Variants in NEIL1 observed in about 807,000 individuals in gnomAD.
The protein encoded by NEIL1 is endonuclease 8-like 1.
NEIL1 carries 31 observed loss-of-function variants against 44.2 expected under a neutral mutation model. The observed-to-expected ratio is 0.70, with a 90% CI of 0.53 to 0.95. The LOEUF (loss-of-function observed/expected upper bound fraction) is 0.95. Among genes scored for constraint, NEIL1 ranks in the 40% least tolerant of loss-of-function variants. NEIL1 has a pLI of 0.00. For missense variants in NEIL1, 549 were observed against 515.5 expected (o/e 1.07, Z -0.63); for synonymous variants, 254 against 209.7 (o/e 1.21, Z -1.83).
At chr15:75,352,760 A>G (rs2072019362) in intron 5 of NEIL1, 59 bp downstream of exon 5, 2 of 1,389,092 alleles carry the variant, frequency 1.4e-6, no homozygotes, top group East Asian at 4.9e-5. Flanking sequence ...ACCCTGGGGC[A>G]CTTGTCCCTC....
intron 1 of NEIL1, chr15:75,347,865 G>A (rs1194125461): frequency 2.5e-6 from 3 of 1,192,982 alleles, no homozygotes; most frequent in East Asian, 1.4e-4. Context: ...CCCGCAAAAC[G>A]AGCCCTGTGG....
At chr15:75,350,641 G>T (rs1380820081) in intron 2 of NEIL1, among the ~76,000 whole-genome samples, 1 of 152,154 alleles carries the variant, frequency 6.6e-6, no homozygotes, top group Non-Finnish European at 1.5e-5. Context: ...TGGTGCCTTA[G>T]AAGAAAGTTG....
intron 5 of NEIL1, chr15:75,352,976 C>T (rs954050370): frequency 1.2e-5 from 4 of 339,342 alleles, no homozygotes; most frequent in African/African-American, 8.6e-5. Context: ...CCCATCTCTA[C>T]TAAAAATGCA....
At position 75,354,784 on chromosome 15, in the gene NEIL1, G is replaced by T; in HGVS notation, c.1068G>T (p.Lys356Asn). 6.2e-7 allele frequency: 1 copy of T among 1,614,148 alleles called. No individual in the cohort carries two copies. The highest frequency in any genetic ancestry group is 8.5e-7 in the Non-Finnish European group (1 of 1,180,032). Reference protein sequence around the residue: ...QQDPEAPTVPKKGRRKGRQAA... With the variant: ...QQDPEAPTVPNKGRRKGRQAA... ...ACCCAGAAGCTCCCACAGTGCCCAA[G>T]AAGGGGAGGAGGAAGGGGCGACAGG... The change falls in exon 9 of 10, where the codon AAG becomes AAT. Residue 356 changes from lysine to asparagine, a missense_variant. Coordinates refer to ENST00000355059, the MANE Select transcript of NEIL1 (RefSeq NM_024608.4).
Position 75,355,097 on chromosome 15 carries a change from G to T in NEIL1, c.*63G>T. The T allele has an allele frequency of 1.4e-6, 2 of 1,456,294 alleles. No homozygotes were observed. The highest frequency in any genetic ancestry group is 1.2e-5 in the South Asian group (1 of 82,928). The allele number at this position is 1,456,294 out of a possible 1,614,324, so 90.2% of individuals were successfully genotyped here. A position where few individuals can be genotyped will look rare whatever the true frequency, so the allele number is the denominator to read the frequency against. On this transcript the variant is annotated 3_prime_UTR_variant, in exon 10 of 10. Transcript: ENST00000355059. ...TGTCTTGCCCTGCATCTGGGGGTCT[G>T]AATTTTTGGGAGCAGGCAATATCTG... is the stretch of plus-strand genomic sequence containing the variant.
chr15:75,356,736 G>T lies in NEIL1; in HGVS notation c.*1702G>T, dbSNP rs747869743. On this transcript the variant is annotated 3_prime_UTR_variant, in exon 10 of 10. Coordinates refer to ENST00000355059, the MANE Select transcript of NEIL1 (RefSeq NM_024608.4). This position sits in a 1 kb window ranked among gnomAD's most constrained non-coding sequence, Gnocchi z 5.8. ...CCACGCTGAAGCTGTTGGAGTTGTG[G>T]TCGGGAAGACCCATTTCTCCATGCC... is the stretch of plus-strand genomic sequence containing the variant. The T allele has an allele frequency of 1.2e-6, 2 of 1,612,482 alleles. No individual in the cohort carries two copies. Among genetic ancestry groups the T allele is most frequent in the East Asian group, 4.5e-5 (2 of 44,856 alleles).
chr15:75,352,488 A>G, intron 4 of NEIL1, 101 bp downstream of exon 4: 1 of 1,557,762 alleles, frequency 6.4e-7, no homozygotes, highest in Admixed American at 1.7e-5. Flanking sequence ...TTAGCTCAAC[A>G]ACAGGGGTGG....
intron 1 of NEIL1, 43 bp from the exon 2 acceptor site, chr15:75,348,841 A>C (rs527721958): frequency 6.4e-7 from 1 of 1,573,102 alleles, no homozygotes; most frequent in African/African-American, 1.3e-5. Context: ...GCTACCTCAC[A>C]AAGTCCACAC....
chr15:75,353,493 C>A (rs5745924), intron 5 of NEIL1: 1 of 567,902 alleles, frequency 1.8e-6, no homozygotes, highest in Non-Finnish European at 3.4e-6. Flanking sequence ...CCCAAAGTGT[C>A]GGGATTACAG....
Position 75,356,997 on chromosome 15 carries a change from T to G in NEIL1, c.*1963T>G. The G allele has an allele frequency of 2.0e-6, 2 of 997,530 alleles. No homozygotes were observed. The highest frequency in any genetic ancestry group is 1.4e-5 in the South Asian group (1 of 69,370). The allele number at this position is 997,530 out of a possible 1,614,324, so 61.8% of individuals were successfully genotyped here. A position where few individuals can be genotyped will look rare whatever the true frequency, so the allele number is the denominator to read the frequency against. ...CTGTCACTAGGCCGAGCACAAGCTCTAGAACCACACAACTGAACTCCAGCT... is the reference window on the plus strand; with the variant it reads ...CTGTCACTAGGCCGAGCACAAGCTCGAGAACCACACAACTGAACTCCAGCT... On this transcript the variant is annotated 3_prime_UTR_variant, in exon 10 of 10. Transcript: ENST00000355059. The surrounding 1 kb of genome is among the most constrained non-coding windows in gnomAD (Gnocchi z 5.8).
At position 75,350,012 on chromosome 15, in the gene NEIL1, G is replaced by A. The variant is rs1032014455; in HGVS notation, c.434+673G>A. 3.9e-5 allele frequency among the ~76,000 whole-genome samples: 6 copies of A among 152,314 alleles called. No homozygotes were observed. In the East Asian group the frequency reaches 7.7e-4, roughly 20 times the overall value. ...TTTAATATGGTAAGTGAGGCTGAGC[G>A]GAATTGTTTCAAGGGGATGGGGAGG... On this transcript the variant is annotated intron_variant, in intron 2 of 9. Transcript: ENST00000355059.
At chr15:75,353,643 T>C in intron 5 of NEIL1, 96 bp from the exon 6 acceptor site, 2 of 1,301,882 alleles carry the variant, frequency 1.5e-6, no homozygotes, top group South Asian at 1.2e-5. Flanking sequence ...GTCCATCAGC[T>C]TGTGTAGCTG....
chr15:75,356,385 C>T lies in NEIL1; in HGVS notation c.*1351C>T. The T allele has an allele frequency of 6.2e-7, 1 of 1,611,290 alleles. No homozygotes were observed. Among genetic ancestry groups the T allele is most frequent in the Non-Finnish European group, 8.5e-7 (1 of 1,179,056 alleles). ...TGGCGGGCGCTGGGCTGGGGGCTGG[C>T]AGAGCCAACAGGGGGAAGTTTAGGC... On this transcript the variant is annotated 3_prime_UTR_variant, in exon 10 of 10. Transcript: ENST00000355059. This position sits in a 1 kb window ranked among gnomAD's most constrained non-coding sequence, Gnocchi z 5.8.
Position 75,356,357 on chromosome 15 carries a change from A to T in NEIL1, c.*1323A>T, listed in dbSNP as rs761349686. ...GAAGACACGGAAAACGCACTCCAGGAGGTGGCGGGCGCTGGGCTGGGGGCT... is the reference window on the plus strand; with the variant it reads ...GAAGACACGGAAAACGCACTCCAGGTGGTGGCGGGCGCTGGGCTGGGGGCT... On this transcript the variant is annotated 3_prime_UTR_variant, in exon 10 of 10. Transcript: ENST00000355059. This position sits in a 1 kb window ranked among gnomAD's most constrained non-coding sequence, Gnocchi z 5.8. 6.2e-6 allele frequency: 10 copies of T among 1,612,062 alleles called. No homozygotes were observed. The highest frequency in any genetic ancestry group is 8.5e-6 in the Non-Finnish European group (10 of 1,179,406).
At chr15:75,354,884 CGCGT>C in intron 9 of NEIL1, 66 bp downstream of exon 9, 1 of 1,611,710 alleles carries the variant, frequency 6.2e-7, no homozygotes, top group Admixed American at 1.7e-5. Context: ...GGCCTAGGAG[CGCGT>C]GTACAAAGGT....
At position 75,353,768 on chromosome 15, in the gene NEIL1, G is replaced by T; in HGVS notation, c.748G>T (p.Glu250Ter). 6.2e-7 allele frequency: 1 copy of T among 1,614,158 alleles called. No homozygotes were observed. The highest frequency in any genetic ancestry group is 8.5e-7 in the Non-Finnish European group (1 of 1,179,992). ...CAAAGGCTACGGGTCAGAGAGCGGG[G>T]AGGAGGACTTTGCTGCCTTTCGAGC... ...GGKGYGSESG[E>*]EDFAAFRAWL... The change falls in exon 6 of 10, where the codon GAG (glutamate) becomes TAG (stop). Residue 250 changes from glutamate to a stop codon, truncating the protein, a stop_gained. Coordinates refer to ENST00000355059, the MANE Select transcript of NEIL1 (RefSeq NM_024608.4). LOFTEE classifies it high-confidence loss of function.
chr15:75,352,006 C>T (rs1284190116), intron 2 of NEIL1, 105 bp from the exon 3 acceptor site: 1 of 1,056,248 alleles, frequency 9.5e-7, no homozygotes, highest in East Asian at 2.4e-5. Context: ...AACTGTAACT[C>T]CCAGTTTCCT....
Position 75,355,068 on chromosome 15 carries a change from T to A in NEIL1, c.*34T>A. The A allele has an allele frequency of 6.3e-7, 1 of 1,598,122 alleles. No individual in the cohort carries two copies. The highest frequency in any genetic ancestry group is 8.6e-7 in the Non-Finnish European group (1 of 1,168,832). ...TCTCCTTGCTTGCACTCACCCTTTC[T>A]TATTGTCTTGCCCTGCATCTGGGGG... On this transcript the variant is annotated 3_prime_UTR_variant, in exon 10 of 10. Transcript: ENST00000355059.
At position 75,352,587 on chromosome 15, in the gene NEIL1, CT is replaced by C. The variant is rs1567245744; in HGVS notation, c.619-14del. Reference sequence around the variant, plus strand: ...CCCTGCTGACAGACAGGTCCTGCCCCTGCCCCTTCCTCAGAGCCCGGAGCTG... The same window carrying C: ...CCCTGCTGACAGACAGGTCCTGCCCCGCCCCTTCCTCAGAGCCCGGAGCTG... On this transcript the variant is annotated splice_polypyrimidine_tract_variant and intron_variant, in intron 4 of 9. Coordinates refer to ENST00000355059, the MANE Select transcript of NEIL1 (RefSeq NM_024608.4). 6.2e-7 allele frequency: 1 copy of C among 1,610,196 alleles called. No homozygotes were observed. The highest frequency in any genetic ancestry group is 1.7e-5 in the Admixed American group (1 of 59,682).
Sources: gnomAD v4.1 joint callset for allele counts (sites outside exome capture counted in the v4.1 genomes callset) on GRCh38, gnomAD v4.1.1 for gene constraint, Gnocchi (gnomAD v3.1) non-coding constraint, MANE v1.5 for transcripts, NCBI Gene and HGNC (gene_info 2026-07-23, HGNC 2026-07-21) for gene names.